NTHL1: variants seen among roughly 807,000 people sequenced by gnomAD.
The protein encoded by NTHL1 is nth like DNA glycosylase 1, also known as endonuclease III-like protein 1.
Under a neutral mutation model 32.3 loss-of-function variants are expected in NTHL1, and 32 were observed. That is an observed-to-expected ratio of 0.99 (90% CI 0.75 to 1.33). NTHL1 has a LOEUF of 1.33. Among genes scored for constraint, NTHL1 ranks in the 40% most tolerant of loss-of-function variants. The probability of loss-of-function intolerance (pLI) is 0.00; values close to 1 mark genes in which losing one functional copy is unlikely to be tolerated. For missense variants in NTHL1, 501 were observed against 414.1 expected, an observed-to-expected ratio of 1.21 and a Z score of -1.82; for synonymous variants, 188 against 176.9, an observed-to-expected ratio of 1.06 and a Z score of -0.50.
intron 1 of NTHL1, among the ~76,000 whole-genome samples, chr16:2,046,738 G>A (rs1390792930): frequency 2.0e-5 from 3 of 152,134 alleles, no homozygotes; most frequent in Admixed American, 1.3e-4. Context: ...TTGGGAGGCC[G>A]AGGTGGGTGG....
chr16:2,040,968 C>G (rs1178702556), intron 4 of NTHL1, among the ~76,000 whole-genome samples: 1 of 152,210 alleles, frequency 6.6e-6, no homozygotes, highest in Non-Finnish European at 1.5e-5. Flanking sequence ...CATGCCCTGG[C>G]CGGCCGCAGC....
At chr16:2,040,308 G>T in intron 4 of NTHL1, 70 bp from the exon 5 acceptor site, 1 of 1,426,350 alleles carries the variant, frequency 7.0e-7, no homozygotes, top group Non-Finnish European at 9.8e-7. Context: ...TCCCCGCCCA[G>T]AGGCGAGTCT....
At chr16:2,045,591 C>T (rs3211973) in intron 2 of NTHL1, among the ~76,000 whole-genome samples, 16 of 152,078 alleles carry the variant, frequency 1.1e-4, no homozygotes, top group African/African-American at 3.9e-4. Context: ...TGCCTGCCAC[C>T]ACACCTGGCT....
chr16:2,046,511 A>C (rs2084401638), intron 1 of NTHL1, 145 bp from the exon 2 acceptor site: 7 of 737,176 alleles, frequency 9.5e-6, no homozygotes, highest in Non-Finnish European at 1.5e-5. Context: ...TGCCCTCTGC[A>C]GTCTGGGGTA....
At chr16:2,042,677 C>T (rs1322651175) in intron 4 of NTHL1, among the ~76,000 whole-genome samples, 2 of 152,126 alleles carry the variant, frequency 1.3e-5, no homozygotes, top group East Asian at 3.9e-4. Flanking sequence ...CACCCCAAAC[C>T]CAGGGGTCTG....
chr16:2,040,111 G>A, intron 5 of NTHL1, 22 bp downstream of exon 5: 1 of 1,613,056 alleles, frequency 6.2e-7, no homozygotes, highest in Non-Finnish European at 8.5e-7. Flanking sequence ...TTCTCCCTAG[G>A]AAGCCCCCCA....
At chr16:2,040,605 A>C in intron 4 of NTHL1, 1 of 386,912 alleles carries the variant, frequency 2.6e-6, no homozygotes, top group Non-Finnish European at 4.9e-6. Context: ...CCCCACAATA[A>C]CAGCGACAGC....
At chr16:2,041,976 C>G in intron 4 of NTHL1, 1 of 451,802 alleles carries the variant, frequency 2.2e-6, no homozygotes. Context: ...TGATCTTGAA[C>G]TCCTGACCTC....
intron 2 of NTHL1, among the ~76,000 whole-genome samples, chr16:2,045,006 G>A (rs1030966877): frequency 1.3e-5 from 2 of 152,198 alleles, no homozygotes; most frequent in African/African-American, 4.8e-5. Context: ...TGACTCACTG[G>A]AGTAATGTGA....
At chr16:2,045,994 C>G (rs2150943725) in intron 2 of NTHL1, 134 bp downstream of exon 2, 2 of 725,388 alleles carry the variant, frequency 2.8e-6, no homozygotes, top group Admixed American at 2.0e-5. Flanking sequence ...AGGCGATGCT[C>G]TGGGGCACCG....
At chr16:2,041,599 C>T (rs2369090) in intron 4 of NTHL1, among the ~76,000 whole-genome samples, 24,620 of 151,652 alleles carry the variant, frequency 0.16, 2,205 homozygotes, top group Middle Eastern at 0.22. Context: ...CCTGCCACCA[C>T]GCCCGGCTAA....
At chr16:2,040,262 AACAGGGGC>A in intron 4 of NTHL1, 24 bp from the exon 5 acceptor site, 1 of 1,604,438 alleles carries the variant, frequency 6.2e-7, no homozygotes, top group Non-Finnish European at 8.5e-7. Context: ...AAGCGGGGTG[AACAGGGGC>A]ACACTCCACC....
rs1428135125 is a variant in NTHL1 at position 2,044,385 on chromosome 16, G to A, written c.525+245C>T. ...GGCAGGCAGCCTTGGCGGTGAGGAAGGGTGGGCAGGCGGCGAGGCGGGGAA... is the reference window on the plus strand; with the variant it reads ...GGCAGGCAGCCTTGGCGGTGAGGAAAGGTGGGCAGGCGGCGAGGCGGGGAA... On this transcript the variant is annotated intron_variant, in intron 3 of 5. Transcript: ENST00000651570. The surrounding 1 kb of genome is among the most constrained non-coding windows in gnomAD (Gnocchi z 5.0). Among the ~76,000 whole-genome samples the A allele has an allele frequency of 6.6e-6, 1 of 152,180 alleles. No individual in the cohort carries two copies. Among genetic ancestry groups the A allele is most frequent in the African/African-American group, 2.4e-5 (1 of 41,450 alleles).
rs1305523200 is a variant in NTHL1, at chr16:2,047,819, G to A, written c.5C>T (p.Thr2Ile). The A allele has an allele frequency of 6.3e-7, 1 of 1,594,128 alleles. No individual in the cohort carries two copies. The highest frequency in any genetic ancestry group is 8.5e-7 in the Non-Finnish European group (1 of 1,175,552). M[T>I]ALSARMLTRS... The stretch of plus-strand genomic sequence containing the variant: ...GGTCAGCATCCTCGCGCTCAAGGCG[G>A]TCATGCCGGACTCCTGCGGACTACA... The change falls in exon 1 of 6, where the codon ACC becomes ATC. Residue 2 changes from threonine (T) to isoleucine (I), a missense_variant. By Grantham distance (89) the Thr-to-Ile change is moderately conservative. Transcript: ENST00000651570.
chr16:2,042,341 C>T (rs1349821741), intron 4 of NTHL1, among the ~76,000 whole-genome samples: 2 of 152,214 alleles, frequency 1.3e-5, no homozygotes, highest in Admixed American at 6.5e-5. Context: ...CAGGTGGTGA[C>T]GCTGGGAGTC....
intron 1 of NTHL1, 92 bp from the exon 2 acceptor site, chr16:2,046,458 T>C: frequency 1.7e-6 from 2 of 1,171,254 alleles, no homozygotes; most frequent in Non-Finnish European, 2.4e-6. Context: ...CCCTCACTCG[T>C]TCATGCCACA....
chr16:2,042,781 C>T (rs2531219), intron 4 of NTHL1, among the ~76,000 whole-genome samples: 1 of 139,732 alleles, frequency 7.2e-6, no homozygotes, highest in Admixed American at 7.1e-5. Context: ...CAGTGCCTCC[C>T]TCCCCACCCT....
intron 2 of NTHL1, among the ~76,000 whole-genome samples, chr16:2,045,753 C>T (rs949570409): frequency 6.6e-6 from 1 of 152,172 alleles, no homozygotes; most frequent in Non-Finnish European, 1.5e-5. Flanking sequence ...ACCCATTTTA[C>T]AGACAAGCAA....
chr16:2,047,481 G>A, intron 1 of NTHL1: 1 of 678,650 alleles, frequency 1.5e-6, no homozygotes, highest in African/African-American at 1.9e-5. Flanking sequence ...CTTGCTTGGG[G>A]CGAAAGGGGG....
Sources: gnomAD v4.1 joint callset for allele counts (sites outside exome capture counted in the v4.1 genomes callset) on GRCh38, gnomAD v4.1.1 for gene constraint, Gnocchi (gnomAD v3.1) non-coding constraint, MANE v1.5 for transcripts, NCBI Gene and HGNC (gene_info 2026-07-23, HGNC 2026-07-21) for gene names.